The following MEGF6 variants were observed in gnomAD, a reference collection of about 807,000 sequenced individuals.
MEGF6 encodes multiple epidermal growth factor-like domains protein 6.
MEGF6 carries 184 observed loss-of-function variants against 207.1 expected under a neutral mutation model. The ratio of observed to expected loss-of-function variants is 0.89; its 90% CI spans 0.79 to 1.00. MEGF6 has a LOEUF of 1.00. Ranked by LOEUF, MEGF6 falls within the 50% of genes least tolerant of loss-of-function variation. The pLI is 0.00. For missense variants in MEGF6, 2,282 were observed against 2,202.9 expected (o/e 1.04, Z -0.72); for synonymous variants, 1,038 against 910.0 (o/e 1.14, Z -2.53).
chr1:3,491,049 T>C, intron 35 of MEGF6, 90 bp from the exon 36 acceptor site: 1 of 1,241,074 alleles, frequency 8.1e-7, no homozygotes, highest in South Asian at 1.5e-5. Context: ...ATCCAGGCCT[T>C]CAGGGACCTC....
At chr1:3,602,142 G>A (rs567140373) in intron 2 of MEGF6, among the ~76,000 whole-genome samples, 51 of 152,340 alleles carry the variant, frequency 3.3e-4, no homozygotes, top group East Asian at 2.7e-3. Flanking sequence ...GCCTCCCACC[G>A]GGCCCCTGGC....
At chr1:3,578,903 C>CGGAATGTGGAGTGG (rs1473278695) in intron 4 of MEGF6, among the ~76,000 whole-genome samples, 11 of 151,106 alleles carry the variant, frequency 7.3e-5, no homozygotes, top group Admixed American at 2.6e-4. Context: ...CGGCCCCCAG[C>CGGAATGTGGAGTGG]GCAACGTGGA....
At chr1:3,559,531 A>AG (rs1333935774) in intron 4 of MEGF6, among the ~76,000 whole-genome samples, 6 of 144,840 alleles carry the variant, frequency 4.1e-5, no homozygotes, top group Non-Finnish European at 8.9e-5. Flanking sequence ...TTAAAAAAAA[A>AG]AAAAAAAAAA....
chr1:3,535,445 G>T (rs1642296816), intron 4 of MEGF6, among the ~76,000 whole-genome samples: 1 of 152,080 alleles, frequency 6.6e-6, no homozygotes, highest in Admixed American at 6.5e-5. Flanking sequence ...TCTCCAGAAG[G>T]CTGCCCCTCT....
intron 7 of MEGF6, among the ~76,000 whole-genome samples, chr1:3,514,213 AC>A (rs1641455412): frequency 6.6e-6 from 1 of 150,902 alleles, no homozygotes; most frequent in African/African-American, 2.4e-5. Context: ...ACGCCACTGC[AC>A]TCCAGCCTGG....
chr1:3,624,134 G>A, the MEGF6 span, among the ~76,000 whole-genome samples: 1 of 152,198 alleles, frequency 6.6e-6, no homozygotes, highest in African/African-American at 2.4e-5. Flanking sequence ...CTCGCCTCGT[G>A]TGTCTTCCTC....
In MEGF6 at chr1:3,507,823, C is replaced by A. The variant is rs201364536; in HGVS notation, c.1761G>T (p.Pro587=). The A allele has an allele frequency of 1.2e-6, 2 of 1,612,622 alleles. No homozygotes were observed. The highest frequency in any genetic ancestry group is 1.7e-6 in the Non-Finnish European group (2 of 1,179,922). Reference sequence around the variant, plus strand: ...CCTCACAGTTAGTTCCACTGACACCCGGGGGGCAGCGGCAGGCCCCCGTGA... The same window carrying A: ...CCTCACAGTTAGTTCCACTGACACCAGGGGGGCAGCGGCAGGCCCCCGTGA... ...DSVTGACRCP[P]GVSGTNCEDG... The change falls in exon 14 of 37, where the codon CCG becomes CCT. Residue 587 remains proline, a synonymous_variant. Coordinates refer to ENST00000356575, the MANE Select transcript of MEGF6 (RefSeq NM_001409.4).
chr1:3,504,816 G>T (rs1009092501), intron 17 of MEGF6, among the ~76,000 whole-genome samples: 2 of 152,136 alleles, frequency 1.3e-5, no homozygotes, highest in Non-Finnish European at 2.9e-5. Flanking sequence ...CCACCTCCAG[G>T]GGCAGCCTCT....
chr1:3,499,049 A>G (rs764866822), intron 24 of MEGF6, 89 bp downstream of exon 24: 15 of 1,526,150 alleles, frequency 9.8e-6, no homozygotes, highest in Non-Finnish European at 1.3e-5. Flanking sequence ...TCCCTCCCCC[A>G]GGCACCAAGT....
intron 3 of MEGF6, among the ~76,000 whole-genome samples, chr1:3,590,039 T>G (rs1406858466): frequency 1.3e-5 from 2 of 152,206 alleles, no homozygotes; most frequent in East Asian, 1.9e-4. Context: ...CCTAACTGTA[T>G]GCTGAGGCCC....
chr1:3,549,560 G>A lies in MEGF6; in HGVS notation c.482-25314C>T, dbSNP rs554869704. Among the ~76,000 whole-genome samples the A allele has an allele frequency of 5.9e-5, 9 of 152,306 alleles. No homozygotes were observed. The South Asian group carries it at 1.5e-3, about 25-fold the overall frequency. On this transcript the variant is annotated intron_variant, in intron 4 of 36. Coordinates refer to ENST00000356575, the MANE Select transcript of MEGF6 (RefSeq NM_001409.4). ...CATGCTCGGGTCTGGGCTGGCTGGC[G>A]GCAGGCACCCCGTTGGTTGACTGCA... is the stretch of plus-strand genomic sequence containing the variant.
At chr1:3,534,974 C>T (rs6669754) in intron 4 of MEGF6, among the ~76,000 whole-genome samples, 46,605 of 152,012 alleles carry the variant, frequency 0.31, 7,406 homozygotes, top group Non-Finnish European at 0.34. Context: ...TACCACAGCC[C>T]GTGTGCCCAG....
chr1:3,506,049 G>T, intron 15 of MEGF6, 59 bp downstream of exon 15: 1 of 1,527,804 alleles, frequency 6.5e-7, no homozygotes, highest in South Asian at 1.2e-5. Flanking sequence ...ACAGGACATG[G>T]ACCATCCCTT....
chr1:3,593,671 T>A (rs942189051), intron 3 of MEGF6, among the ~76,000 whole-genome samples: 11 of 150,322 alleles, frequency 7.3e-5, no homozygotes, highest in Non-Finnish European at 1.5e-4. Flanking sequence ...TGCCTCAGAG[T>A]GGAAACCCGG....
chr1:3,508,406 A>G, intron 13 of MEGF6, 152 bp downstream of exon 13: 1 of 836,332 alleles, frequency 1.2e-6, no homozygotes, highest in South Asian at 1.9e-5. Flanking sequence ...TATCAAAGGA[A>G]TTAACAAATG....
At chr1:3,553,372 A>T (rs1642941861) in intron 4 of MEGF6, among the ~76,000 whole-genome samples, 1 of 151,800 alleles carries the variant, frequency 6.6e-6, no homozygotes, top group Non-Finnish European at 1.5e-5. Context: ...GAGAGTCTTC[A>T]GGAACAGGCG....
upstream of MEGF6, among the ~76,000 whole-genome samples, chr1:3,612,362 G>GCT (rs1557437245): frequency 6.6e-6 from 1 of 152,156 alleles, no homozygotes; most frequent in Non-Finnish European, 1.5e-5. Flanking sequence ...TGTCTAGGGT[G>GCT]AGGCTTCTGC....
chr1:3,600,691 C>T (rs756459023), intron 2 of MEGF6, among the ~76,000 whole-genome samples: 6 of 152,174 alleles, frequency 3.9e-5, no homozygotes, highest in Non-Finnish European at 8.8e-5. Flanking sequence ...AAATTGGAAA[C>T]GTGGGATTTG....
intron 4 of MEGF6, 121 bp from the exon 5 acceptor site, chr1:3,524,367 C>T: frequency 1.5e-6 from 2 of 1,294,498 alleles, no homozygotes; most frequent in Middle Eastern, 2.4e-4. Context: ...GGGCACCACC[C>T]ATGAGCCCCT....
Sources: allele counts gnomAD v4.1 joint callset (sites outside exome capture counted in the v4.1 genomes callset), GRCh38; gene constraint gnomAD v4.1.1; transcripts MANE v1.5; gene names NCBI Gene and HGNC (gene_info 2026-07-23, HGNC 2026-07-21).